Variants in TRIO observed in about 807,000 individuals in gnomAD.
TRIO encodes trio Rho guanine nucleotide exchange factor.
Under a neutral mutation model 351.9 loss-of-function variants are expected in TRIO, and 58 were observed. The ratio of observed to expected loss-of-function variants is 0.16; its 90% CI spans 0.13 to 0.21. TRIO has a LOEUF of 0.21. Among genes scored for constraint, TRIO ranks in the 10% least tolerant of loss-of-function variants. The probability of loss-of-function intolerance (pLI) is 1.00; values close to 1 mark genes in which losing one functional copy is unlikely to be tolerated. For synonymous variants in TRIO, 1,758 were observed against 1,595.7 expected, an observed-to-expected ratio of 1.10 and a Z score of -2.42; for missense variants, 3,201 against 4,027.8, an observed-to-expected ratio of 0.79 and a Z score of 5.56.
At chr5:14,394,230 C>A in intron 28 of TRIO, 100 bp downstream of exon 28, 1 of 709,222 alleles carries the variant, frequency 1.4e-6, no homozygotes, top group Non-Finnish European at 2.2e-6. Context: ...TTTTGAAACA[C>A]CTAGTCAATT....
chr5:14,473,898 G>A (rs1210570055), intron 39 of TRIO, 96 bp from the exon 40 acceptor site: 3 of 1,182,192 alleles, frequency 2.5e-6, no homozygotes, highest in Admixed American at 1.9e-5. Flanking sequence ...GACAGTGCAT[G>A]TGTCCATTTT....
Position 14,319,859 on chromosome 5 carries a change from G to A in TRIO, c.1731+3116G>A, listed in dbSNP as rs137908999. On this transcript the variant is annotated intron_variant, in intron 9 of 56. Coordinates refer to ENST00000344204, the MANE Select transcript of TRIO (RefSeq NM_007118.4). ...GTAAAACATGGTTAATTTTGGTTTC[G>A]AGGTTAATTTTTTCCCCTCTTAATA... is the stretch of plus-strand genomic sequence containing the variant. Among the ~76,000 whole-genome samples the A allele has an allele frequency of 2.2e-3, 331 of 152,290 alleles. 1 individual carries two copies. The highest frequency in any genetic ancestry group is 3.4e-3 in the Middle Eastern group (1 of 294).
chr5:14,505,630 G>T (rs1348963097), intron 55 of TRIO, among the ~76,000 whole-genome samples: 3 of 152,072 alleles, frequency 2.0e-5, no homozygotes, highest in Non-Finnish European at 4.4e-5. Context: ...TTTTCTTAAA[G>T]AAACTATAAA....
chr5:14,426,853 C>G (rs1446085143), intron 34 of TRIO, among the ~76,000 whole-genome samples: 1 of 152,012 alleles, frequency 6.6e-6, no homozygotes, highest in Non-Finnish European at 1.5e-5. Context: ...ATCTTGTTGT[C>G]GAGTTCTGGG....
chr5:14,171,438 C>T (rs1789091469), intron 1 of TRIO, among the ~76,000 whole-genome samples: 1 of 152,122 alleles, frequency 6.6e-6, no homozygotes, highest in Non-Finnish European at 1.5e-5. Context: ...TGCTGGCTAA[C>T]TAAACTTTAT....
chr5:14,508,099 C>A lies in TRIO; in HGVS notation c.8971C>A (p.Pro2991Thr). Residue 2991 changes from proline to threonine, a missense_variant, in exon 57 of 57, where the codon CCC (proline) becomes ACC (threonine). Physicochemically the swap from Pro to Thr is conservative, Grantham distance 38. Coordinates refer to ENST00000344204, the MANE Select transcript of TRIO (RefSeq NM_007118.4). ...LTYVLLSGVS[P>T]FLDDSVEETC... The stretch of plus-strand genomic sequence containing the variant: ...ATACGTACTTCTTAGTGGCGTGTCC[C>A]CCTTCCTGGATGACAGTGTGGAAGA... 1 of 1,614,226 alleles carries A rather than the reference C, an allele frequency of 6.2e-7. No individual in the cohort carries two copies. The highest frequency in any genetic ancestry group is 1.3e-5 in the African/African-American group (1 of 75,052).
chr5:14,245,856 C>T (rs573336589), intron 1 of TRIO, among the ~76,000 whole-genome samples: 3 of 152,316 alleles, frequency 2.0e-5, no homozygotes, highest in Middle Eastern at 3.4e-3. Context: ...CACAGTTTGC[C>T]AGGTGATGTC....
intron 1 of TRIO, among the ~76,000 whole-genome samples, chr5:14,180,795 A>T (rs1789719333): frequency 6.6e-6 from 1 of 151,974 alleles, no homozygotes; most frequent in Admixed American, 6.6e-5. Context: ...TCATCACTGT[A>T]CTTCAGCCTG....
chr5:14,239,666 G>C (rs1219625100), intron 1 of TRIO, among the ~76,000 whole-genome samples: 6 of 152,168 alleles, frequency 3.9e-5, no homozygotes, highest in Non-Finnish European at 7.3e-5. Context: ...ATTCTGATCA[G>C]CTTGAGCCAA....
At chr5:14,492,093 T>C (rs1756531292) in intron 48 of TRIO, among the ~76,000 whole-genome samples, 1 of 152,240 alleles carries the variant, frequency 6.6e-6, no homozygotes, top group Non-Finnish European at 1.5e-5. Flanking sequence ...GAACATTCTA[T>C]CTGGAAGATT....
chr5:14,180,073 C>G (rs1011772948), intron 1 of TRIO, among the ~76,000 whole-genome samples: 5 of 114,494 alleles, frequency 4.4e-5, no homozygotes, highest in African/African-American at 1.7e-4. Context: ...TGCACTCCAG[C>G]TTGGGTGACA....
chr5:14,327,423 C>T (rs1216564470), intron 9 of TRIO, among the ~76,000 whole-genome samples: 1 of 152,152 alleles, frequency 6.6e-6, no homozygotes, highest in Admixed American at 6.5e-5. Flanking sequence ...CTTGGCCTCC[C>T]AAAGTGCTGG....
intron 34 of TRIO, among the ~76,000 whole-genome samples, chr5:14,431,957 T>G (rs1381810725): frequency 6.6e-6 from 1 of 152,224 alleles, no homozygotes; most frequent in Non-Finnish European, 1.5e-5. Context: ...TCATTTTAAT[T>G]TAATCACCTC....
chr5:14,293,981 G>T (rs1737127126), intron 6 of TRIO, among the ~76,000 whole-genome samples: 1 of 149,450 alleles, frequency 6.7e-6, no homozygotes, highest in Non-Finnish European at 1.5e-5. Context: ...ATATGAACCG[G>T]CCTGGGCAAC....
At chr5:14,425,856 T>TC (rs1273687115) in intron 34 of TRIO, among the ~76,000 whole-genome samples, 1 of 152,202 alleles carries the variant, frequency 6.6e-6, no homozygotes, top group African/African-American at 2.4e-5. Context: ...ATCTCAGACT[T>TC]CCCAGCCTCG....
At chr5:14,506,010 G>A (rs961387740) in intron 55 of TRIO, among the ~76,000 whole-genome samples, 3 of 152,160 alleles carry the variant, frequency 2.0e-5, no homozygotes, top group Non-Finnish European at 4.4e-5. Context: ...GAGGGTTGTC[G>A]TGGGGCCGAG....
chr5:14,494,193 G>T (rs1483047676), intron 49 of TRIO, among the ~76,000 whole-genome samples: 1 of 152,120 alleles, frequency 6.6e-6, no homozygotes, highest in Non-Finnish European at 1.5e-5. Context: ...ATACCAAAAG[G>T]TTAATTCAGT....
At chr5:14,161,628 A>G (rs963298021) in intron 1 of TRIO, among the ~76,000 whole-genome samples, 1 of 152,242 alleles carries the variant, frequency 6.6e-6, no homozygotes, top group Non-Finnish European at 1.5e-5. Context: ...AGATTTTAGC[A>G]TAATTACCTG....
rs754462011 is a variant in TRIO at position 14,485,042 on chromosome 5, T to C, written c.6658-27T>C. The C allele has an allele frequency of 6.6e-6, 10 of 1,523,702 alleles. No homozygotes were observed. The East Asian group carries it at 6.9e-5, about 11-fold the overall frequency. The allele number at this position is 1,523,702 out of a possible 1,614,324, so 94.4% of individuals were successfully genotyped here. On this transcript the variant is annotated intron_variant, in intron 46 of 56. Coordinates refer to ENST00000344204, the MANE Select transcript of TRIO (RefSeq NM_007118.4). ...TGCTTCCTTTCCACCTGTTAGCTAT[T>C]ATGAATAATGTTTTTTTTTTTTTAA... is the stretch of plus-strand genomic sequence containing the variant.
Sources: allele counts gnomAD v4.1 joint callset (sites outside exome capture counted in the v4.1 genomes callset), GRCh38; gene constraint gnomAD v4.1.1; transcripts MANE v1.5; gene names NCBI Gene and HGNC (gene_info 2026-07-23, HGNC 2026-07-21).